The following EYA1 variants were observed in gnomAD, a reference collection of about 807,000 sequenced individuals.
The protein encoded by EYA1 is protein phosphatase EYA1.
A neutral mutation model predicts 82.0 loss-of-function variants in EYA1; 16 were observed. That is an observed-to-expected ratio of 0.20 (90% CI 0.13 to 0.30). The LOEUF (loss-of-function observed/expected upper bound fraction) is 0.30. EYA1 is among the 10% of genes least tolerant of loss of function. EYA1 has a pLI of 1.00. For missense variants in EYA1, 633 were observed against 730.7 expected, an observed-to-expected ratio of 0.87 and a Z score of 1.54; for synonymous variants, 261 against 264.4, an observed-to-expected ratio of 0.99 and a Z score of 0.12.
Position 71,334,185 on chromosome 8 carries a change from A to G in EYA1, c.125-11T>C, listed in dbSNP as rs767703398. 6.9e-6 allele frequency: 11 copies of G among 1,593,522 alleles called. No individual in the cohort carries two copies. The highest frequency in any genetic ancestry group is 1.7e-5 in the Admixed American group (1 of 59,972). On this transcript the variant is annotated splice_polypyrimidine_tract_variant and intron_variant, in intron 3 of 17. Transcript: ENST00000340726. Reference sequence around the variant, plus strand: ...TTGGCTCTGTTTTAACTACAAAAATAAACAACATACATCGATATTGAATTA... The same window carrying G: ...TTGGCTCTGTTTTAACTACAAAAATGAACAACATACATCGATATTGAATTA...
chr8:71,439,946 A>G (rs920883792), intron 2 of EYA1, among the ~76,000 whole-genome samples: 2 of 152,186 alleles, frequency 1.3e-5, no homozygotes, highest in African/African-American at 2.4e-5. Flanking sequence ...TAAATGCTCA[A>G]TAGGTGTTAG....
In EYA1 at chr8:71,229,037, A is replaced by C. The variant is rs1002297054; in HGVS notation, c.1141-12014T>G. ...TGTTTTAGTCCATCTCCCTCAATAG[A>C]TGTATTAGAAAAATTAAATTGGAAA... On this transcript the variant is annotated intron_variant, in intron 12 of 17. Coordinates refer to ENST00000340726, the MANE Select transcript of EYA1 (RefSeq NM_000503.6). 1.3e-4 allele frequency among the ~76,000 whole-genome samples: 20 copies of C among 152,278 alleles called. No homozygotes were observed. In the Middle Eastern group the frequency reaches 0.017, roughly 129 times the overall value.
chr8:71,453,283 T>G (rs901101420), intron 2 of EYA1, among the ~76,000 whole-genome samples: 3 of 152,164 alleles, frequency 2.0e-5, no homozygotes, highest in Non-Finnish European at 1.5e-5. Context: ...AAACACCAAC[T>G]CTACGTCTAA....
At chr8:71,465,883 T>A (rs1034917335) in intron 2 of EYA1, among the ~76,000 whole-genome samples, 2 of 151,994 alleles carry the variant, frequency 1.3e-5, no homozygotes, top group Middle Eastern at 3.2e-3. Context: ...TATTCATCCA[T>A]CTATTCAAAT....
chr8:71,522,205 G>T (rs1178667186), intron 2 of EYA1, among the ~76,000 whole-genome samples: 1 of 152,088 alleles, frequency 6.6e-6, no homozygotes, highest in Admixed American at 6.6e-5. Context: ...TTGCCTCCTT[G>T]AATATGGAAA....
At chr8:71,204,762 T>C (rs1807530946) in intron 17 of EYA1, among the ~76,000 whole-genome samples, 1 of 152,256 alleles carries the variant, frequency 6.6e-6, no homozygotes, top group Non-Finnish European at 1.5e-5. Context: ...CAGATGGAAT[T>C]ACAAATACTT....
intron 2 of EYA1, among the ~76,000 whole-genome samples, chr8:71,495,636 T>G (rs1811358296): frequency 6.6e-6 from 1 of 151,978 alleles, no homozygotes. Flanking sequence ...ATAAACAAAA[T>G]TAAATTTAAT....
At chr8:71,363,586 T>C (rs1563537059), upstream of EYA1, among the ~76,000 whole-genome samples, 1 of 152,190 alleles carries the variant, frequency 6.6e-6, no homozygotes, top group East Asian at 1.9e-4. Context: ...AATAGAATTA[T>C]GTTACCACCT....
At chr8:71,479,165 G>A (rs1809909087) in intron 2 of EYA1, among the ~76,000 whole-genome samples, 1 of 151,952 alleles carries the variant, frequency 6.6e-6, no homozygotes, top group African/African-American at 2.4e-5. Context: ...ACAGTCACTG[G>A]CCTCTTGATT....
intron 17 of EYA1, among the ~76,000 whole-genome samples, chr8:71,201,123 C>T (rs1157787945): frequency 6.7e-6 from 1 of 149,392 alleles, no homozygotes; most frequent in Non-Finnish European, 1.5e-5. Flanking sequence ...GTAATAAACT[C>T]CTAATTCATA....
At chr8:71,510,519 G>T (rs28678001) in intron 2 of EYA1, among the ~76,000 whole-genome samples, 9,163 of 152,282 alleles carry the variant, frequency 0.06, 333 homozygotes, top group East Asian at 0.12. Context: ...ATGGCAGAAG[G>T]TACCTCTCCA....
At chr8:71,367,513 A>G (rs1172072786) in intron 2 of EYA1, among the ~76,000 whole-genome samples, 1 of 151,446 alleles carries the variant, frequency 6.6e-6, no homozygotes, top group African/African-American at 2.4e-5. Flanking sequence ...TCTTCCTTCA[A>G]GCAGTATTAA....
intron 11 of EYA1, among the ~76,000 whole-genome samples, chr8:71,246,330 G>A (rs2128907910): frequency 6.6e-6 from 1 of 152,270 alleles, no homozygotes; most frequent in East Asian, 1.9e-4. Flanking sequence ...CTGCCTTCAG[G>A]TAGGCCCCAT....
intron 9 of EYA1, among the ~76,000 whole-genome samples, chr8:71,275,505 A>T (rs965156892): frequency 6.6e-6 from 1 of 152,182 alleles, no homozygotes; most frequent in African/African-American, 2.4e-5. Context: ...GGAAACTGAC[A>T]CCATATGTAA....
chr8:71,286,771 G>C (rs1296786218), intron 9 of EYA1, among the ~76,000 whole-genome samples: 1 of 149,580 alleles, frequency 6.7e-6, no homozygotes, highest in African/African-American at 2.5e-5. Flanking sequence ...GTGTGATAGT[G>C]TGACCATGAT....
chr8:71,336,804 G>C (rs1479979347), intron 3 of EYA1, among the ~76,000 whole-genome samples: 1 of 152,178 alleles, frequency 6.6e-6, no homozygotes, highest in Non-Finnish European at 1.5e-5. Flanking sequence ...TTGAAGAGAA[G>C]AGGATGTACA....
intron 2 of EYA1, among the ~76,000 whole-genome samples, chr8:71,458,132 A>G (rs1314336503): frequency 6.6e-6 from 1 of 152,198 alleles, no homozygotes; most frequent in Non-Finnish European, 1.5e-5. Flanking sequence ...AAACTTTTAA[A>G]TATAGAAAAT....
chr8:71,346,431 AATATAT>A (rs3066856), intron 3 of EYA1, among the ~76,000 whole-genome samples: 12 of 105,500 alleles, frequency 1.1e-4, no homozygotes, highest in Admixed American at 3.6e-4. Flanking sequence ...TACTGCAGTG[AATATAT>A]ATATATATAT....
intron 9 of EYA1, among the ~76,000 whole-genome samples, chr8:71,280,051 T>A (rs904939155): frequency 1.3e-5 from 2 of 152,172 alleles, no homozygotes; most frequent in Admixed American, 6.5e-5. Flanking sequence ...GAACTATACA[T>A]CTTGTGAGTG....
Sources: gnomAD v4.1 joint callset for allele counts (sites outside exome capture counted in the v4.1 genomes callset) on GRCh38, gnomAD v4.1.1 for gene constraint, MANE v1.5 for transcripts, NCBI Gene and HGNC (gene_info 2026-07-23, HGNC 2026-07-21) for gene names.